The following RGS22 variants were observed in gnomAD, a reference collection of about 807,000 sequenced individuals.
RGS22 encodes the protein regulator of G-protein signaling 22.
RGS22 carries 148 observed loss-of-function variants against 172.9 expected under a neutral mutation model. That is an observed-to-expected ratio of 0.86 (90% CI 0.75 to 0.98). The LOEUF is 0.98. RGS22 is among the 50% of genes least tolerant of loss of function. The pLI, the probability that RGS22 is intolerant of heterozygous loss-of-function variation, is 0.00. For synonymous variants in RGS22, 458 were observed against 480.2 expected, an observed-to-expected ratio of 0.95 and a Z score of 0.60; for missense variants, 1,347 against 1,440.8, an observed-to-expected ratio of 0.93 and a Z score of 1.05.
chr8:100,034,564 C>A (rs924670172), intron 14 of RGS22, among the ~76,000 whole-genome samples: 1 of 152,124 alleles, frequency 6.6e-6, no homozygotes, highest in Non-Finnish European at 1.5e-5. Context: ...AGATTCAATG[C>A]CATCCCCATC....
intron 7 of RGS22, among the ~76,000 whole-genome samples, chr8:100,064,509 G>C (rs1343708481): frequency 6.6e-6 from 1 of 152,020 alleles, no homozygotes; most frequent in Non-Finnish European, 1.5e-5. Context: ...GAAGGATTCT[G>C]AGGCTACATT....
In RGS22 at chr8:100,072,148, T is replaced by C; in HGVS notation, c.422A>G (p.Tyr141Cys). ...TATATTGATGGGACTATAGTACCTGTATTCAAAGTAACAATCACTTTCCAG... is the reference window on the plus strand; with the variant it reads ...TATATTGATGGGACTATAGTACCTGCATTCAAAGTAACAATCACTTTCCAG... ...AFLESDCYFE[Y>C]RLAKLVSQVR... Residue 141 changes from tyrosine to cysteine, a missense_variant, in exon 5 of 28, where the codon TAC (tyrosine) becomes TGC (cysteine). Coordinates refer to ENST00000360863, the MANE Select transcript of RGS22 (RefSeq NM_015668.5). The C allele has an allele frequency of 6.4e-7, 1 of 1,571,806 alleles. No individual in the cohort carries two copies. Among genetic ancestry groups the C allele is most frequent in the East Asian group, 2.2e-5 (1 of 44,476 alleles).
In RGS22 at chr8:100,051,720, T is replaced by C. The variant is rs186553039; in HGVS notation, c.1689+1082A>G. ...ATATATACGTATATATAAATATATA[T>C]TTATATATACGTATATATAAATATA... On this transcript the variant is annotated intron_variant, in intron 10 of 27. Coordinates refer to ENST00000360863, the MANE Select transcript of RGS22 (RefSeq NM_015668.5). Among the ~76,000 whole-genome samples the C allele has an allele frequency of 6.0e-3, 114 of 18,866 alleles. 38 individuals are homozygous for C. Among genetic ancestry groups the C allele is most frequent in the Admixed American group, 0.012 (10 of 832 alleles). 12.4% of individuals were successfully genotyped at this position (18,866 alleles called of 152,430 possible). A position where few individuals can be genotyped will look rare whatever the true frequency, so the allele number is the denominator to read the frequency against.
intron 9 of RGS22, among the ~76,000 whole-genome samples, chr8:100,056,415 A>C (rs1370010046): frequency 6.6e-6 from 1 of 152,246 alleles, no homozygotes; most frequent in East Asian, 1.9e-4. Context: ...TTAATCGCCA[A>C]GACAATGGAG....
At chr8:99,978,826 G>A (rs755495804) in intron 22 of RGS22, among the ~76,000 whole-genome samples, 7 of 152,106 alleles carry the variant, frequency 4.6e-5, no homozygotes, top group Non-Finnish European at 8.8e-5. Context: ...TTATTGCTAG[G>A]AATGGCCTTT....
intron 22 of RGS22, 96 bp downstream of exon 22, chr8:99,981,841 C>T (rs546302947): frequency 4.1e-4 from 467 of 1,134,054 alleles, no homozygotes; most frequent in Non-Finnish European, 5.1e-4. Context: ...GGATTACAGG[C>T]GTGAGCCACC....
chr8:100,098,585 G>A (rs1248840506), intron 2 of RGS22, among the ~76,000 whole-genome samples: 1 of 152,114 alleles, frequency 6.6e-6, no homozygotes, highest in African/African-American at 2.4e-5. Flanking sequence ...GCAATGAGGA[G>A]CAAAAGTATG....
In RGS22 at chr8:100,090,991, G is replaced by A. The variant is rs1249889494; in HGVS notation, c.117+2456C>T. On this transcript the variant is annotated intron_variant, in intron 3 of 27. Transcript: ENST00000360863. ...TGAAATCATAATACATTAATTTATG[G>A]TTCCCTAAAATACCAGTCTATAACT... 2.0e-5 allele frequency among the ~76,000 whole-genome samples: 3 copies of A among 151,752 alleles called. No individual in the cohort carries two copies. In the East Asian group the frequency reaches 5.8e-4, roughly 29 times the overall value.
chr8:100,096,657 C>T (rs1229264501), intron 2 of RGS22, among the ~76,000 whole-genome samples: 2 of 144,208 alleles, frequency 1.4e-5, no homozygotes, highest in Non-Finnish European at 3.0e-5. Context: ...AGGCGCTTAG[C>T]TAATTTAAAA....
intron 2 of RGS22, among the ~76,000 whole-genome samples, chr8:100,094,204 C>A (rs1297187955): frequency 6.6e-6 from 1 of 152,136 alleles, no homozygotes; most frequent in Admixed American, 6.5e-5. Context: ...AATCATAAGA[C>A]ACCTTATTTT....
chr8:99,978,164 C>A, intron 22 of RGS22, 89 bp from the exon 23 acceptor site: 1 of 696,220 alleles, frequency 1.4e-6, no homozygotes, highest in Non-Finnish European at 2.2e-6. Context: ...ACTATTATAT[C>A]TTTAATATAT....
chr8:100,034,002 A>C (rs1401739499), intron 14 of RGS22, among the ~76,000 whole-genome samples: 1 of 152,220 alleles, frequency 6.6e-6, no homozygotes, highest in African/African-American at 2.4e-5. Flanking sequence ...ACCCACAGCC[A>C]ATATTATACT....
intron 10 of RGS22, among the ~76,000 whole-genome samples, chr8:100,048,719 T>G (rs768002281): frequency 3.9e-5 from 6 of 152,064 alleles, no homozygotes; most frequent in Non-Finnish European, 7.4e-5. Context: ...TAAACAACAC[T>G]CTATAAATGA....
At chr8:100,013,020 C>T (rs367559661) in intron 14 of RGS22, among the ~76,000 whole-genome samples, 11 of 131,470 alleles carry the variant, frequency 8.4e-5, no homozygotes, top group Non-Finnish European at 1.6e-4. Flanking sequence ...GAGTCAGTCT[C>T]GCTTTATCAC....
rs111285438 is a variant in RGS22 at position 99,984,788 on chromosome 8, GACAC to G, written c.3180+2666_3180+2669del. Among the ~76,000 whole-genome samples the G allele has an allele frequency of 3.9e-3, 542 of 139,662 alleles. 1 individual carries two copies. The highest frequency in any genetic ancestry group is 9.3e-3 in the African/African-American group (359 of 38,646). The allele number at this position is 139,662 out of a possible 152,430, so 91.6% of individuals were successfully genotyped here. A position where few individuals can be genotyped will look rare whatever the true frequency, so the allele number is the denominator to read the frequency against. On this transcript the variant is annotated intron_variant, in intron 21 of 27. Transcript: ENST00000360863. ...TAAATAAATCCTTCCAGTCTTTACGGACACACACACACACACACACACACACACA... is the reference window on the plus strand; with the variant it reads ...TAAATAAATCCTTCCAGTCTTTACGGACACACACACACACACACACACACA...
chr8:100,066,098 T>A, intron 7 of RGS22, 69 bp downstream of exon 7: 1 of 1,508,232 alleles, frequency 6.6e-7, no homozygotes, highest in Non-Finnish European at 9.1e-7. Flanking sequence ...TACTGTACTG[T>A]AAAATTAGAA....
At chr8:99,961,250 T>C in intron 27 of RGS22, 54 bp from the exon 28 acceptor site, 2 of 436,002 alleles carry the variant, frequency 4.6e-6, no homozygotes, top group Non-Finnish European at 9.0e-6. Context: ...AAAATATAAA[T>C]ACAAATATAA....
rs73702154 is a variant in RGS22, at chr8:100,063,946, T to G, written c.822A>C (p.Glu274Asp). 7.3e-3 allele frequency: 11,598 copies of G among 1,580,092 alleles called. 748 individuals are homozygous for G. In the African/African-American group the frequency reaches 0.14, roughly 19 times the overall value. ...LISEFEEEEG[E>D]EEEVSVSLQD... is the part of the protein sequence containing the mutation. ...GTAGAGATACAGACACCTCTTCTTC[T>G]TCTCCTTCTTCTTCTTCAAATTCAG... Residue 274 changes from glutamate (E) to aspartate (D), a missense_variant, in exon 8 of 28, where the codon GAA becomes GAC. By Grantham distance (45) the Glu-to-Asp change is conservative. Transcript: ENST00000360863.
chr8:100,078,772 G>A (rs574349165), intron 4 of RGS22, among the ~76,000 whole-genome samples: 2 of 152,082 alleles, frequency 1.3e-5, no homozygotes, highest in African/African-American at 4.8e-5. Flanking sequence ...GACTACAAGT[G>A]TACGCCACCA....
Sources: gnomAD v4.1 joint callset for allele counts (sites outside exome capture counted in the v4.1 genomes callset) on GRCh38, gnomAD v4.1.1 for gene constraint, MANE v1.5 for transcripts, NCBI Gene and HGNC (gene_info 2026-07-23, HGNC 2026-07-21) for gene names.